Variants in GSK3B observed in about 807,000 individuals in gnomAD.
The protein encoded by GSK3B is glycogen synthase kinase 3 beta.
GSK3B carries 15 observed loss-of-function variants against 56.4 expected under a neutral mutation model. The ratio of observed to expected loss-of-function variants is 0.27; its 90% CI spans 0.18 to 0.41. The LOEUF (loss-of-function observed/expected upper bound fraction) is 0.41, where lower values mean the gene tolerates loss of function less well. Among genes scored for constraint, GSK3B ranks in the 10% least tolerant of loss-of-function variants. The pLI, the probability that GSK3B is intolerant of heterozygous loss-of-function variation, is 1.00. For synonymous variants in GSK3B, 181 were observed against 188.9 expected (o/e 0.96, Z 0.34); for missense variants, 300 against 513.4 (o/e 0.58, Z 4.02).
intron 2 of GSK3B, among the ~76,000 whole-genome samples, chr3:119,958,901 G>C (rs1029767495): frequency 6.6e-6 from 1 of 151,952 alleles, no homozygotes; most frequent in East Asian, 1.9e-4. Context: ...ACTAAAACTC[G>C]AAAATTCTCC....
At chr3:119,895,706 T>A (rs1465057195) in intron 7 of GSK3B, among the ~76,000 whole-genome samples, 1 of 152,134 alleles carries the variant, frequency 6.6e-6, no homozygotes, top group Non-Finnish European at 1.5e-5. Flanking sequence ...TTGTCAAAAA[T>A]CAATTGACAA....
At chr3:119,892,564 T>C (rs1010253128) in intron 7 of GSK3B, among the ~76,000 whole-genome samples, 21 of 152,056 alleles carry the variant, frequency 1.4e-4, no homozygotes, top group African/African-American at 4.6e-4. Flanking sequence ...CCTCAGTTCC[T>C]CTCCTCCCAT....
At chr3:120,066,252 AG>A (rs2107558435) in intron 1 of GSK3B, among the ~76,000 whole-genome samples, 1 of 152,254 alleles carries the variant, frequency 6.6e-6, no homozygotes, top group East Asian at 1.9e-4. Context: ...CCCCACTAAA[AG>A]GAATCAGAAC....
At chr3:119,972,635 C>A (rs1352825211) in intron 2 of GSK3B, among the ~76,000 whole-genome samples, 5 of 152,050 alleles carry the variant, frequency 3.3e-5, no homozygotes, top group Admixed American at 3.3e-4. Context: ...TGGGGTTTCA[C>A]CAAGTTAGCC....
intron 3 of GSK3B, among the ~76,000 whole-genome samples, chr3:119,930,902 C>A (rs1006356935): frequency 6.6e-6 from 1 of 152,150 alleles, no homozygotes; most frequent in African/African-American, 2.4e-5. Context: ...ATTAACACAG[C>A]AGAATACATC....
intron 1 of GSK3B, among the ~76,000 whole-genome samples, chr3:120,040,364 G>C (rs2058055753): frequency 6.6e-6 from 1 of 152,210 alleles, no homozygotes; most frequent in African/African-American, 2.4e-5. Context: ...AGAGGGACCT[G>C]AAATATTCCC....
At chr3:119,888,021 A>G (rs2056457994) in intron 7 of GSK3B, among the ~76,000 whole-genome samples, 1 of 152,116 alleles carries the variant, frequency 6.6e-6, no homozygotes, top group Non-Finnish European at 1.5e-5. Context: ...ATCCTTCAAA[A>G]TACATTTTTA....
In GSK3B at chr3:119,829,443, C is replaced by T. The variant is rs112584977; in HGVS notation, c.1196-2588G>A. 6.9e-3 allele frequency among the ~76,000 whole-genome samples: 1,051 copies of T among 152,284 alleles called. 12 individuals are homozygous for T. The highest frequency in any genetic ancestry group is 0.023 in the African/African-American group (968 of 41,546). ...GGTCTTCCCCAGGACTTATGGGAGGCACTGATCATCAGAAATTTATCTATC... is the reference window on the plus strand; with the variant it reads ...GGTCTTCCCCAGGACTTATGGGAGGTACTGATCATCAGAAATTTATCTATC... On this transcript the variant is annotated intron_variant, in intron 10 of 10. Coordinates refer to ENST00000264235, the MANE Select transcript of GSK3B (RefSeq NM_001146156.2).
chr3:119,843,947 C>A (rs4605584), intron 9 of GSK3B, among the ~76,000 whole-genome samples: 136,165 of 152,152 alleles, frequency 0.89, 61,041 homozygotes, highest in Admixed American at 0.93. Context: ...CAGCAAATGC[C>A]AAAGAACAGA....
chr3:120,047,977 T>A (rs2107538943), intron 1 of GSK3B, among the ~76,000 whole-genome samples: 1 of 152,342 alleles, frequency 6.6e-6, no homozygotes, highest in East Asian at 1.9e-4. Flanking sequence ...AGAATATCAA[T>A]GCTGTCCAGC....
chr3:120,056,724 C>T (rs1447503450), intron 1 of GSK3B, among the ~76,000 whole-genome samples: 1 of 152,172 alleles, frequency 6.6e-6, no homozygotes, highest in Non-Finnish European at 1.5e-5. Context: ...TGAGGAAGAG[C>T]AAGTTTCTCT....
chr3:119,841,948 T>C (rs189143432), intron 10 of GSK3B, among the ~76,000 whole-genome samples: 56 of 152,318 alleles, frequency 3.7e-4, no homozygotes, highest in Non-Finnish European at 6.2e-4. Context: ...TACTGTTTAA[T>C]GATAAGAACT....
chr3:119,849,916 C>A (rs538741152), intron 9 of GSK3B, among the ~76,000 whole-genome samples: 3 of 152,100 alleles, frequency 2.0e-5, no homozygotes, highest in Non-Finnish European at 1.5e-5. Flanking sequence ...CCTGGGTTCA[C>A]GCGATTCTCG....
chr3:119,874,415 T>C (rs1190842373), intron 8 of GSK3B, among the ~76,000 whole-genome samples: 8 of 152,144 alleles, frequency 5.3e-5, no homozygotes, highest in African/African-American at 1.7e-4. Flanking sequence ...TATAATAAAA[T>C]AATGTGAATG....
At chr3:120,021,349 C>CAAA (rs372298849) in intron 1 of GSK3B, among the ~76,000 whole-genome samples, 1 of 96,368 alleles carries the variant, frequency 1.0e-5, no homozygotes, top group Non-Finnish European at 2.3e-5. Flanking sequence ...ACTAAAAATA[C>CAAA]AAAAAAAAAA....
At chr3:120,078,313 A>T (rs2058383632) in intron 1 of GSK3B, among the ~76,000 whole-genome samples, 1 of 152,202 alleles carries the variant, frequency 6.6e-6, no homozygotes, top group South Asian at 2.1e-4. Context: ...CTCCTAAATA[A>T]ATACTGAAAG....
intron 7 of GSK3B, among the ~76,000 whole-genome samples, chr3:119,880,462 T>C (rs1219404996): frequency 6.6e-6 from 1 of 152,192 alleles, no homozygotes. Context: ...TATCTTGATG[T>C]GGTCCCTATG....
At chr3:119,945,256 T>A (rs1278199355) in intron 3 of GSK3B, among the ~76,000 whole-genome samples, 4 of 152,180 alleles carry the variant, frequency 2.6e-5, no homozygotes, top group Non-Finnish European at 5.9e-5. Context: ...CTCTTCTTCC[T>A]TTTTGTTTTT....
intron 8 of GSK3B, among the ~76,000 whole-genome samples, 162 bp downstream of exon 8, chr3:119,876,249 CTA>C (rs949789694): frequency 6.6e-6 from 1 of 152,164 alleles, no homozygotes; most frequent in African/African-American, 2.4e-5. Context: ...GAGGATGAAA[CTA>C]TATAAAGTCA....
Sources: gnomAD v4.1 joint callset for allele counts (sites outside exome capture counted in the v4.1 genomes callset) on GRCh38, gnomAD v4.1.1 for gene constraint, MANE v1.5 for transcripts, NCBI Gene and HGNC (gene_info 2026-07-23, HGNC 2026-07-21) for gene names.